KCNQ2: variants seen among roughly 807,000 people sequenced by gnomAD.
KCNQ2 encodes the protein potassium voltage-gated channel subfamily Q member 2, also known as potassium voltage-gated channel subfamily KQT member 2.
A neutral mutation model predicts 84.8 loss-of-function variants in KCNQ2; 14 were observed. The observed-to-expected ratio is 0.17, with a 90% CI of 0.11 to 0.26. The LOEUF (loss-of-function observed/expected upper bound fraction) is 0.26. KCNQ2 is among the 10% of genes least tolerant of loss of function. The pLI is 1.00. For missense variants in KCNQ2, 788 were observed against 1,254.0 expected (o/e 0.63, Z 5.61); for synonymous variants, 599 against 554.1 (o/e 1.08, Z -1.14).
intron 10 of KCNQ2, 23 bp downstream of exon 10, chr20:63,428,344 C>A (rs1459563376): frequency 6.5e-7 from 1 of 1,546,750 alleles, no homozygotes; most frequent in South Asian, 1.2e-5. Context: ...CCCACCCGCC[C>A]CACCTGGAGC....
chr20:63,437,010 C>G (rs555118064), intron 7 of KCNQ2, among the ~76,000 whole-genome samples: 1 of 152,244 alleles, frequency 6.6e-6, no homozygotes, highest in South Asian at 2.1e-4. Context: ...AACTCCTGAC[C>G]TCAAGAGATC....
rs1011576242 is a variant in KCNQ2, at chr20:63,431,323, G to C, written c.1148+17C>G. On this transcript the variant is annotated intron_variant, in intron 9 of 16. Transcript: ENST00000359125. ...AACCACACACACACACAGGGCTTCT[G>C]TCCATGCATTTCCTACCTGGAGGCC... 6.2e-7 allele frequency: 1 copy of C among 1,613,236 alleles called. No homozygotes were observed. The highest frequency in any genetic ancestry group is 1.3e-5 in the African/African-American group (1 of 74,878).
At chr20:63,454,384 C>T (rs1039884287) in intron 1 of KCNQ2, among the ~76,000 whole-genome samples, 4 of 152,160 alleles carry the variant, frequency 2.6e-5, no homozygotes, top group African/African-American at 2.4e-5. Flanking sequence ...CGGGGGCGGC[C>T]GGTGCAGGGG....
rs757495728 is a variant in KCNQ2 at position 63,414,220 on chromosome 20, G to A, written c.1526-27C>T. Reference sequence around the variant, plus strand: ...TGGGGGGAAGGAGACAGGCCGTGAGGGGCCGAGGGGGCCGGGAGACCTATT... The same window carrying A: ...TGGGGGGAAGGAGACAGGCCGTGAGAGGCCGAGGGGGCCGGGAGACCTATT... On this transcript the variant is annotated intron_variant, in intron 13 of 16. Coordinates refer to ENST00000359125, the MANE Select transcript of KCNQ2 (RefSeq NM_172107.4). The surrounding 1 kb of genome is among the most constrained non-coding windows in gnomAD (Gnocchi z 6.6). 1.3e-6 allele frequency: 2 copies of A among 1,521,554 alleles called. No individual in the cohort carries two copies. The highest frequency in any genetic ancestry group is 9.1e-7 in the Non-Finnish European group (1 of 1,097,030). The allele number at this position is 1,521,554 out of a possible 1,614,324, so 94.3% of individuals were successfully genotyped here. A position where few individuals can be genotyped will look rare whatever the true frequency, so the allele number is the denominator to read the frequency against.
chr20:63,468,693 G>T (rs2082139592), intron 1 of KCNQ2, among the ~76,000 whole-genome samples: 1 of 152,236 alleles, frequency 6.6e-6, no homozygotes, highest in East Asian at 1.9e-4. Flanking sequence ...GACCCCAGCT[G>T]AGGCCTGGCG....
At chr20:63,470,473 G>A (rs976392261) in intron 1 of KCNQ2, among the ~76,000 whole-genome samples, 1 of 152,234 alleles carries the variant, frequency 6.6e-6, no homozygotes, top group Non-Finnish European at 1.5e-5. Flanking sequence ...CTGCTCTCAG[G>A]AGGCAGAGAC....
intron 7 of KCNQ2, among the ~76,000 whole-genome samples, chr20:63,436,491 A>G (rs527904631): frequency 2.4e-3 from 357 of 151,362 alleles, no homozygotes; most frequent in Non-Finnish European, 4.5e-3. Context: ...AGATCGCACC[A>G]CTGCACTCCA....
intron 10 of KCNQ2, among the ~76,000 whole-genome samples, chr20:63,426,872 G>A (rs574752688): frequency 7.9e-5 from 12 of 152,226 alleles, no homozygotes; most frequent in South Asian, 2.1e-4. Flanking sequence ...AAATACTCAC[G>A]TCCAAAATCT....
At chr20:63,424,053 C>T in intron 11 of KCNQ2, 124 bp downstream of exon 11, 1 of 1,090,848 alleles carries the variant, frequency 9.2e-7, no homozygotes, top group Non-Finnish European at 1.4e-6. Context: ...CGCAGTCACA[C>T]AGTCACACAC....
intron 14 of KCNQ2, among the ~76,000 whole-genome samples, chr20:63,413,815 G>A (rs1601568132): frequency 6.6e-6 from 1 of 152,230 alleles, no homozygotes; most frequent in Non-Finnish European, 1.5e-5. Flanking sequence ...GCCACAGCAG[G>A]CAGAAGGTGG....
chr20:63,444,939 A>G, intron 3 of KCNQ2, 105 bp from the exon 4 acceptor site: 1 of 1,275,364 alleles, frequency 7.8e-7, no homozygotes, highest in Non-Finnish European at 1.1e-6. Context: ...AGGGGCGGGA[A>G]GGTGTATGCC....
chr20:63,436,333 C>T (rs1452503912), intron 7 of KCNQ2, among the ~76,000 whole-genome samples: 2 of 152,196 alleles, frequency 1.3e-5, no homozygotes, highest in Non-Finnish European at 2.9e-5. Flanking sequence ...AGATCGAGAC[C>T]ATCCTGGCTA....
intron 11 of KCNQ2, among the ~76,000 whole-genome samples, chr20:63,422,929 A>G (rs2080518915): frequency 6.6e-6 from 1 of 152,074 alleles, no homozygotes; most frequent in East Asian, 1.9e-4. Flanking sequence ...GACAGCACCG[A>G]GGTTCCGCCC....
chr20:63,415,252 A>G (rs2080255034), intron 12 of KCNQ2, 126 bp from the exon 13 acceptor site: 1 of 888,740 alleles, frequency 1.1e-6, no homozygotes, highest in Non-Finnish European at 1.8e-6. Flanking sequence ...AGGTCTGAAG[A>G]ACAGCCAGCC....
intron 11 of KCNQ2, chr20:63,423,900 G>A (rs755340680): frequency 2.3e-5 from 12 of 521,082 alleles, no homozygotes; most frequent in African/African-American, 5.9e-5. Flanking sequence ...ACTTGTGGGC[G>A]GGGTGGGGGA....
chr20:63,413,171 TTACACACACACACA>T (rs943458811), intron 15 of KCNQ2: 21 of 495,456 alleles, frequency 4.2e-5, no homozygotes, highest in Middle Eastern at 3.2e-4. Context: ...CATGCGTGAC[TTACACACACACACA>T]TGCACACACA....
intron 12 of KCNQ2, among the ~76,000 whole-genome samples, chr20:63,415,330 CGGGGACCG>C: frequency 2.5e-5 from 3 of 120,414 alleles, no homozygotes; most frequent in African/African-American, 9.3e-5. Flanking sequence ...GGGGAGGCCA[CGGGGACCG>C]AGCACCCGGT....
At chr20:63,416,932 C>G (rs1484593958) in intron 12 of KCNQ2, among the ~76,000 whole-genome samples, 1 of 152,152 alleles carries the variant, frequency 6.6e-6, no homozygotes, top group Non-Finnish European at 1.5e-5. Context: ...TGTCCCCACT[C>G]AGGCGTCTCT....
At position 63,414,816 on chromosome 20, in the gene KCNQ2, T is replaced by G; in HGVS notation, c.1525+87A>C. The G allele has an allele frequency of 7.6e-7, 1 of 1,323,286 alleles. No individual in the cohort carries two copies. Among genetic ancestry groups the G allele is most frequent in the Non-Finnish European group, 1.1e-6 (1 of 921,032 alleles). 82.0% of individuals were successfully genotyped at this position (1,323,286 alleles called of 1,614,324 possible). On this transcript the variant is annotated intron_variant, in intron 13 of 16. Transcript: ENST00000359125. The surrounding 1 kb of genome is among the most constrained non-coding windows in gnomAD (Gnocchi z 6.6). ...CACTCCAAGAGCAAGCAAAAGCAGC[T>G]GCGACGCCACAGGGTGGCCACAGTA... is the stretch of plus-strand genomic sequence containing the variant.
Sources: gnomAD v4.1 joint callset for allele counts (sites outside exome capture counted in the v4.1 genomes callset) on GRCh38, gnomAD v4.1.1 for gene constraint, Gnocchi (gnomAD v3.1) non-coding constraint, MANE v1.5 for transcripts, NCBI Gene and HGNC (gene_info 2026-07-23, HGNC 2026-07-21) for gene names.